The following ELL variants were observed in gnomAD, a reference collection of about 807,000 sequenced individuals.
ELL encodes RNA polymerase II elongation factor ELL.
In ELL, 18 loss-of-function variants were observed where a neutral mutation model predicts 64.0. The observed-to-expected ratio is 0.28, with a 90% CI of 0.19 to 0.42. The LOEUF (loss-of-function observed/expected upper bound fraction) is 0.42, where lower values mean the gene tolerates loss of function less well. Among genes scored for constraint, ELL ranks in the 10% least tolerant of loss-of-function variants. ELL has a pLI of 1.00. For synonymous variants in ELL, 399 were observed against 376.2 expected, an observed-to-expected ratio of 1.06 and a Z score of -0.70; for missense variants, 797 against 870.4, an observed-to-expected ratio of 0.92 and a Z score of 1.06.
Position 18,472,587 on chromosome 19 carries a change from C to T in ELL, c.183+248G>A, listed in dbSNP as rs1002589946. ...CAGAGTGGAAGCTAGGTGCACATCGCTGCATGAAGGGAGCCACTGGGAGAG... is the reference window on the plus strand; with the variant it reads ...CAGAGTGGAAGCTAGGTGCACATCGTTGCATGAAGGGAGCCACTGGGAGAG... On this transcript the variant is annotated intron_variant, in intron 2 of 11. Transcript: ENST00000262809. 5 of 515,142 alleles carry T rather than the reference C, an allele frequency of 9.7e-6. No individual in the cohort carries two copies. The African/African-American group carries it at 9.9e-5, about 10-fold the overall frequency. 31.9% of individuals were successfully genotyped at this position (515,142 alleles called of 1,614,324 possible).
intron 6 of ELL, among the ~76,000 whole-genome samples, chr19:18,456,907 T>C (rs1974690259): frequency 6.7e-6 from 1 of 149,484 alleles, no homozygotes; most frequent in South Asian, 2.1e-4. Context: ...CACGAAGCCA[T>C]GGTGTCAAAA....
intron 1 of ELL, among the ~76,000 whole-genome samples, chr19:18,520,609 G>A (rs186483366): frequency 1.0e-3 from 152 of 152,132 alleles, no homozygotes; most frequent in African/African-American, 3.5e-3. Flanking sequence ...AAACGAAACA[G>A]GGGGAAGAAA....
chr19:18,451,787 G>A (rs753013858), intron 6 of ELL, 139 bp from the exon 7 acceptor site: 24 of 642,324 alleles, frequency 3.7e-5, no homozygotes, highest in African/African-American at 7.8e-5. Context: ...GGGCCAAGGG[G>A]TCACAGGAGC....
At chr19:18,497,371 G>A (rs1344519201) in intron 1 of ELL, among the ~76,000 whole-genome samples, 1 of 152,344 alleles carries the variant, frequency 6.6e-6, no homozygotes, top group South Asian at 2.1e-4. Flanking sequence ...GCAGAGGGGA[G>A]GAAGGGGATG....
intron 1 of ELL, among the ~76,000 whole-genome samples, chr19:18,516,602 G>A (rs1214646339): frequency 6.6e-6 from 1 of 152,104 alleles, no homozygotes; most frequent in Non-Finnish European, 1.5e-5. Context: ...AATCATACCA[G>A]GTTAGATGAG....
chr19:18,461,575 C>T lies in ELL; in HGVS notation c.744+3G>A. ...AAAGACAAGACATCGGGGCGGCACC[C>T]ACCTGCTGGAGGAGGCCATCCAGCG... On this transcript the variant is annotated splice_donor_region_variant and intron_variant, in intron 5 of 11. Coordinates refer to ENST00000262809, the MANE Select transcript of ELL (RefSeq NM_006532.4). The T allele has an allele frequency of 6.3e-7, 1 of 1,594,732 alleles. No homozygotes were observed. The highest frequency in any genetic ancestry group is 8.5e-7 in the Non-Finnish European group (1 of 1,174,846).
intron 6 of ELL, among the ~76,000 whole-genome samples, chr19:18,452,644 C>T (rs8102451): frequency 6.6e-6 from 1 of 152,186 alleles, no homozygotes; most frequent in African/African-American, 2.4e-5. Context: ...GGCCATCCCC[C>T]ACAGCTCTAC....
At position 18,443,696 on chromosome 19, in the gene ELL, G is replaced by A. The variant is rs1450157462; in HGVS notation, c.*1056C>T. On this transcript the variant is annotated 3_prime_UTR_variant, in exon 12 of 12. Coordinates refer to ENST00000262809, the MANE Select transcript of ELL (RefSeq NM_006532.4). ...TGTCTGCAGAGCCTGCACCCCCAGA[G>A]CAGGCAGACCCATCCTCCTGGCTCC... 1.3e-5 allele frequency: 3 copies of A among 233,144 alleles called. No homozygotes were observed. Among genetic ancestry groups the A allele is most frequent in the African/African-American group, 2.2e-5 (1 of 45,336 alleles). 14.4% of individuals were successfully genotyped at this position (233,144 alleles called of 1,614,324 possible). A position where few individuals can be genotyped will look rare whatever the true frequency, so the allele number is the denominator to read the frequency against.
chr19:18,488,671 C>A (rs1018585680), intron 1 of ELL, among the ~76,000 whole-genome samples: 2 of 152,188 alleles, frequency 1.3e-5, no homozygotes, highest in Non-Finnish European at 2.9e-5. Flanking sequence ...CAACTTCAAG[C>A]AAAGGAAAGC....
At chr19:18,457,629 C>T (rs998549513) in intron 6 of ELL, among the ~76,000 whole-genome samples, 6 of 152,230 alleles carry the variant, frequency 3.9e-5, no homozygotes, top group Admixed American at 6.5e-5. Flanking sequence ...AGCCCGAGCT[C>T]CCCTAGCTGG....
intron 10 of ELL, 78 bp from the exon 11 acceptor site, chr19:18,445,346 C>T: frequency 1.6e-6 from 2 of 1,229,010 alleles, no homozygotes; most frequent in African/African-American, 1.5e-5. Flanking sequence ...GTCCCAGGTG[C>T]TCTGAGAAGG....
intron 1 of ELL, among the ~76,000 whole-genome samples, chr19:18,494,904 C>T (rs1461623593): frequency 1.3e-5 from 2 of 152,252 alleles, no homozygotes; most frequent in Non-Finnish European, 2.9e-5. Flanking sequence ...CAACTCTACC[C>T]TGTACCTCTA....
At chr19:18,505,513 G>C (rs1253812399) in intron 1 of ELL, among the ~76,000 whole-genome samples, 2 of 152,184 alleles carry the variant, frequency 1.3e-5, no homozygotes, top group African/African-American at 4.8e-5. Flanking sequence ...ACCTCATCCA[G>C]AGTTTCCTAG....
rs767433455 is a variant in ELL at position 18,521,989 on chromosome 19, C to T, written c.67G>A (p.Val23Met). 8 of 1,611,422 alleles carry T rather than the reference C, an allele frequency of 5.0e-6. No individual in the cohort carries two copies. The highest frequency in any genetic ancestry group is 6.8e-6 in the Non-Finnish European group (8 of 1,178,912). Residue 23 changes from valine (V) to methionine (M), a missense_variant, in exon 1 of 12, where the codon GTG becomes ATG. Physicochemically the swap from Val to Met is conservative, Grantham distance 21. Coordinates refer to ENST00000262809, the MANE Select transcript of ELL (RefSeq NM_006532.4). ...GTGAGCTTCACGTGGAACACCGACA[C>T]CTTGCTGCCGTCGCTAACCCGCCCG... Reference protein sequence around the residue: ...SCGRVSDGSKVSVFHVKLTDS... With the variant: ...SCGRVSDGSKMSVFHVKLTDS...
At position 18,462,335 on chromosome 19, in the gene ELL, C is replaced by CTGTGTGTG. The variant is rs370735358; in HGVS notation, c.470-491_470-484dup. 3.7e-3 allele frequency among the ~76,000 whole-genome samples: 243 copies of CTGTGTGTG among 64,980 alleles called. 31 individuals are homozygous for CTGTGTGTG. Among genetic ancestry groups the CTGTGTGTG allele is most frequent in the African/African-American group, 0.022 (204 of 9,408 alleles). The allele number at this position is 64,980 out of a possible 152,430, so 42.6% of individuals were successfully genotyped here. ...GAAATCACCTGATCACTCTAGTGGGCTGTGTGTGTGTGTGTGTGTGTGTGT... is the reference window on the plus strand; with the variant it reads ...GAAATCACCTGATCACTCTAGTGGGCTGTGTGTGTGTGTGTGTGTGTGTGTGTGTGTGT... On this transcript the variant is annotated intron_variant, in intron 4 of 11. Coordinates refer to ENST00000262809, the MANE Select transcript of ELL (RefSeq NM_006532.4).
intron 1 of ELL, among the ~76,000 whole-genome samples, chr19:18,497,069 C>A (rs1270520153): frequency 6.6e-6 from 1 of 152,226 alleles, no homozygotes; most frequent in African/African-American, 2.4e-5. Context: ...TGGAAACGTG[C>A]GTCCACATGA....
chr19:18,515,981 C>A (rs1271105627), intron 1 of ELL, among the ~76,000 whole-genome samples: 8 of 152,160 alleles, frequency 5.3e-5, no homozygotes, highest in Admixed American at 4.6e-4. Flanking sequence ...GGGTCTAGCC[C>A]AGGGCCAACA....
intron 1 of ELL, among the ~76,000 whole-genome samples, chr19:18,480,016 C>G (rs1345512437): frequency 6.6e-6 from 1 of 152,230 alleles, no homozygotes; most frequent in African/African-American, 2.4e-5. Flanking sequence ...GCCACCCCAC[C>G]CCTGATGCAG....
Position 18,501,002 on chromosome 19 carries a change from G to A in ELL, c.135+20919C>T, listed in dbSNP as rs1264867123. 6.6e-6 allele frequency among the ~76,000 whole-genome samples: 1 copy of A among 152,086 alleles called. No homozygotes were observed. Among genetic ancestry groups the A allele is most frequent in the Non-Finnish European group, 1.5e-5 (1 of 68,012 alleles). ...GACTCCACAGAGCAGAACCTGCAGGGAAGCAGGCCAACCTCCAACCACCGA... is the reference window on the plus strand; with the variant it reads ...GACTCCACAGAGCAGAACCTGCAGGAAAGCAGGCCAACCTCCAACCACCGA... On this transcript the variant is annotated intron_variant, in intron 1 of 11. Transcript: ENST00000262809. The surrounding 1 kb of genome is among the most constrained non-coding windows in gnomAD (Gnocchi z 4.5).
Sources: gnomAD v4.1 joint callset for allele counts (sites outside exome capture counted in the v4.1 genomes callset) on GRCh38, gnomAD v4.1.1 for gene constraint, Gnocchi (gnomAD v3.1) non-coding constraint, MANE v1.5 for transcripts, NCBI Gene and HGNC (gene_info 2026-07-23, HGNC 2026-07-21) for gene names.